Variants in TG observed in about 807,000 individuals in gnomAD.
TG encodes thyroid hormones.
Under a neutral mutation model 324.7 loss-of-function variants are expected in TG, and 270 were observed. The observed-to-expected ratio is 0.83, with a 90% confidence interval of 0.75 to 0.92. The LOEUF (loss-of-function observed/expected upper bound fraction) is 0.92, where lower values mean the gene tolerates loss of function less well. TG is among the 40% of genes least tolerant of loss of function. The pLI, the probability that TG is intolerant of heterozygous loss-of-function variation, is 0.00. For synonymous variants in TG, 1,401 were observed against 1,327.0 expected (o/e 1.06, Z -1.21); for missense variants, 3,591 against 3,456.4 (o/e 1.04, Z -0.98).
chr8:132,986,387 T>C (rs1181445499), intron 35 of TG, among the ~76,000 whole-genome samples: 2 of 110,436 alleles, frequency 1.8e-5, no homozygotes, highest in African/African-American at 7.6e-5. Context: ...TATGTGTGTA[T>C]ATATGTGTAT....
chr8:132,882,416 G>A, intron 6 of TG, 53 bp from the exon 7 acceptor site: 1 of 1,609,076 alleles, frequency 6.2e-7, no homozygotes, highest in Non-Finnish European at 8.5e-7. Context: ...AACAAGGTCA[G>A]GGCTTCCTTT....
Position 133,116,628 on chromosome 8 carries a change from C to T in TG, c.7774C>T (p.Pro2592Ser). 1 of 1,614,234 alleles carries T rather than the reference C, an allele frequency of 6.2e-7. No individual in the cohort carries two copies. The highest frequency in any genetic ancestry group is 8.5e-7 in the Non-Finnish European group (1 of 1,180,026). ...CACCAGGGACTACTTTATCATCTGC[C>T]CTATAATCGACATGGCCAGTGCCTG... ...NATRDYFIIC[P>S]IIDMASAWAK... Residue 2592 changes from proline to serine, a missense_variant, in exon 45 of 48, where the codon CCT (proline) becomes TCT (serine). Coordinates refer to ENST00000220616, the MANE Select transcript of TG (RefSeq NM_003235.5).
At chr8:133,041,794 T>G (rs1388228242) in intron 41 of TG, among the ~76,000 whole-genome samples, 1 of 149,000 alleles carries the variant, frequency 6.7e-6, no homozygotes, top group African/African-American at 2.5e-5. Context: ...GTTTTTTTTT[T>G]TTTTTTTTTT....
rs923366497 is a variant in TG, at chr8:132,995,535, A to G, written c.6262+12123A>G. ...TGCTTAGATCAGATTGGTTGTTCAC[A>G]TGCATTTGTGCCTCAGAATTTCTAT... On this transcript the variant is annotated intron_variant, in intron 35 of 47. Coordinates refer to ENST00000220616, the MANE Select transcript of TG (RefSeq NM_003235.5). 2.0e-5 allele frequency: 20 copies of G among 985,186 alleles called. No individual in the cohort carries two copies. The African/African-American group carries it at 3.3e-4, about 16-fold the overall frequency. 61.0% of individuals were successfully genotyped at this position (985,186 alleles called of 1,614,324 possible).
chr8:132,913,285 G>A lies in TG; in HGVS notation c.4378+20G>A. On this transcript the variant is annotated intron_variant, in intron 20 of 47. Transcript: ENST00000220616. ...GATGCGGTAGGTCCACTCTCTCCCTGGATATCTCCTGTGGAGCCATGTGAG... is the reference window on the plus strand; with the variant it reads ...GATGCGGTAGGTCCACTCTCTCCCTAGATATCTCCTGTGGAGCCATGTGAG... 6.2e-7 allele frequency: 1 copy of A among 1,611,790 alleles called. No homozygotes were observed. The highest frequency in any genetic ancestry group is 1.7e-5 in the Admixed American group (1 of 60,010).
rs1563944949 is a variant in TG at position 132,911,547 on chromosome 8, T to C, written c.4159+14T>C. 6.2e-7 allele frequency: 1 copy of C among 1,603,102 alleles called. No homozygotes were observed. The highest frequency in any genetic ancestry group is 1.7e-5 in the Admixed American group (1 of 60,016). ...TACATGACATTGGTATGTTTTTCTG[T>C]GGTAGTACCTAGAATAAGCTATGCA... On this transcript the variant is annotated intron_variant, in intron 19 of 47. Transcript: ENST00000220616.
At chr8:133,003,350 A>T (rs576476692) in intron 35 of TG, 19 of 152,340 alleles carry the variant, frequency 1.2e-4, no homozygotes, top group African/African-American at 3.9e-4. Context: ...CCATTAAAAA[A>T]GGGAATCATT....
intron 41 of TG, among the ~76,000 whole-genome samples, chr8:133,031,575 A>G (rs1017767432): frequency 1.3e-5 from 2 of 152,204 alleles, no homozygotes; most frequent in African/African-American, 4.8e-5. Flanking sequence ...TACTCAAGTT[A>G]AGGAAAGATG....
intron 44 of TG, 112 bp downstream of exon 44, chr8:133,113,715 T>C: frequency 8.1e-7 from 1 of 1,237,820 alleles, no homozygotes; most frequent in Non-Finnish European, 1.1e-6. Context: ...GTGCTTGAGG[T>C]TTCCTCTGCA....
intron 11 of TG, among the ~76,000 whole-genome samples, chr8:132,895,174 G>C (rs952570725): frequency 6.6e-6 from 1 of 152,254 alleles, no homozygotes; most frequent in Admixed American, 6.5e-5. Context: ...TGATTAATCT[G>C]TCTTTGAATC....
chr8:132,888,399 G>A lies in TG; in HGVS notation c.2592G>A (p.Glu864=), dbSNP rs746680688. ...RPQPRENILL[E]PYLFWQILNG... is the part of the protein sequence containing the mutation. ...AGCCCAGGGAGAATATCCTCCTGGAGCCCTACCTCTTCTGGCAGATCTTAA... is the reference window on the plus strand; with the variant it reads ...AGCCCAGGGAGAATATCCTCCTGGAACCCTACCTCTTCTGGCAGATCTTAA... The change falls in exon 10 of 48, where the codon GAG becomes GAA. Residue 864 remains glutamate, a synonymous_variant. Transcript: ENST00000220616. 15 of 1,614,018 alleles carry A rather than the reference G, an allele frequency of 9.3e-6. No homozygotes were observed. Among genetic ancestry groups the A allele is most frequent in the Admixed American group, 3.3e-5 (2 of 60,018 alleles).
At chr8:133,081,966 GAGGGCTGT>G (rs1216757014) in intron 41 of TG, among the ~76,000 whole-genome samples, 4 of 152,226 alleles carry the variant, frequency 2.6e-5, no homozygotes, top group Non-Finnish European at 5.9e-5. Flanking sequence ...TCTAAGCAAA[GAGGGCTGT>G]AGCCAGGAAT....
chr8:133,047,981 C>T (rs371194857), intron 41 of TG: 14 of 1,138,518 alleles, frequency 1.2e-5, no homozygotes, highest in Non-Finnish European at 1.7e-5. Context: ...AGCCCTCCCC[C>T]AGGAAAGGCA....
chr8:133,131,995 C>T (rs369486117), intron 46 of TG, 49 bp downstream of exon 46: 57 of 1,612,734 alleles, frequency 3.5e-5, no homozygotes, highest in East Asian at 2.2e-4. Context: ...CTTTTCCTCC[C>T]GCTTCCTTCA....
At chr8:132,925,009 G>A (rs1821634457) in intron 22 of TG, among the ~76,000 whole-genome samples, 2 of 152,104 alleles carry the variant, frequency 1.3e-5, no homozygotes, top group Admixed American at 6.5e-5. Flanking sequence ...TTGAGGTCTT[G>A]TGGCTAACCT....
chr8:133,081,604 G>T, intron 41 of TG, among the ~76,000 whole-genome samples: 1 of 152,062 alleles, frequency 6.6e-6, no homozygotes. Flanking sequence ...AAAAGTAGCC[G>T]CTTTATGTCC....
intron 25 of TG, among the ~76,000 whole-genome samples, chr8:132,939,934 C>A (rs549379820): frequency 6.6e-6 from 1 of 152,252 alleles, no homozygotes; most frequent in East Asian, 1.9e-4. Flanking sequence ...CCTTGGCCTC[C>A]CAAAGTGGTG....
intron 16 of TG, among the ~76,000 whole-genome samples, chr8:132,904,097 TG>T (rs2132309853): frequency 6.6e-6 from 1 of 152,294 alleles, no homozygotes; most frequent in African/African-American, 2.4e-5. Context: ...TTCCTGGTGT[TG>T]GGCTTTGGGT....
At chr8:133,005,965 G>GC (rs1833983712) in intron 35 of TG, among the ~76,000 whole-genome samples, 1 of 152,140 alleles carries the variant, frequency 6.6e-6, no homozygotes, top group Non-Finnish European at 1.5e-5. Context: ...TCTTCTCCCT[G>GC]CACTGGAGGA....
Sources: allele counts gnomAD v4.1 joint callset (sites outside exome capture counted in the v4.1 genomes callset), GRCh38; gene constraint gnomAD v4.1.1; transcripts MANE v1.5; gene names NCBI Gene and HGNC (gene_info 2026-07-23, HGNC 2026-07-21).